KCNQ1: variants seen among roughly 807,000 people sequenced by gnomAD.
KCNQ1 encodes the protein potassium voltage-gated channel subfamily Q member 1, also known as potassium voltage-gated channel subfamily KQT member 1.
A neutral mutation model predicts 72.4 loss-of-function variants in KCNQ1; 49 were observed. The observed-to-expected ratio is 0.68, with a 90% CI of 0.54 to 0.86. The LOEUF is 0.86. KCNQ1 is among the 40% of genes least tolerant of loss of function. KCNQ1 has a pLI of 0.00. For missense variants in KCNQ1, 790 were observed against 945.1 expected (o/e 0.84, Z 2.15); for synonymous variants, 450 against 412.6 (o/e 1.09, Z -1.10).
chr11:2,473,063 T>C lies in KCNQ1; in HGVS notation c.386+27579T>C, dbSNP rs1476272716. 6.6e-6 allele frequency among the ~76,000 whole-genome samples: 1 copy of C among 151,810 alleles called. No homozygotes were observed. Among genetic ancestry groups the C allele is most frequent in the East Asian group, 1.9e-4 (1 of 5,144 alleles). On this transcript the variant is annotated intron_variant, in intron 1 of 15. Coordinates refer to ENST00000155840, the MANE Select transcript of KCNQ1 (RefSeq NM_000218.3). The surrounding 1 kb of genome is among the most constrained non-coding windows in gnomAD (Gnocchi z 6.0). ...TGTCCCTCCAGATCATGTCCCTGAG[T>C]GGGGAGCGCCTTCTGGGCAGAGTGG...
Position 2,445,386 on chromosome 11 carries a change from G to A in KCNQ1, c.288G>A (p.Thr96=). ...ACCCGCGCGTCTCCATCTACAGCAC[G>A]CGCCGCCCGGTGTTGGCGCGCACCC... ...SLDPRVSIYS[T]RRPVLARTHV... The change falls in exon 1 of 16, where the codon ACG becomes ACA. Residue 96 remains threonine (T), a synonymous_variant. Coordinates refer to ENST00000155840, the MANE Select transcript of KCNQ1 (RefSeq NM_000218.3). 1 of 1,597,736 alleles carries A rather than the reference G, an allele frequency of 6.3e-7. No homozygotes were observed. The highest frequency in any genetic ancestry group is 8.5e-7 in the Non-Finnish European group (1 of 1,179,576).
At chr11:2,513,195 TG>T (rs938326877) in intron 1 of KCNQ1, among the ~76,000 whole-genome samples, 16 of 152,154 alleles carry the variant, frequency 1.1e-4, no homozygotes, top group African/African-American at 3.9e-4. Flanking sequence ...CCAGGACCTT[TG>T]TACTCTCCTG....
rs774669061 is a variant in KCNQ1 at position 2,538,970 on chromosome 11, G to A, written c.477+10952G>A. ...TGGAACCTGGGAACCACCAGTCAGCGTCTTTCCTCCAGGGAGGCTGTGCAG... is the reference window on the plus strand; with the variant it reads ...TGGAACCTGGGAACCACCAGTCAGCATCTTTCCTCCAGGGAGGCTGTGCAG... On this transcript the variant is annotated intron_variant, in intron 2 of 15. Transcript: ENST00000155840. This position sits in a 1 kb window ranked among gnomAD's most constrained non-coding sequence, Gnocchi z 6.7. Among the ~76,000 whole-genome samples, 13 of 152,204 alleles carry A rather than the reference G, an allele frequency of 8.5e-5. No individual in the cohort carries two copies. The highest frequency in any genetic ancestry group is 2.4e-4 in the African/African-American group (10 of 41,444).
In KCNQ1 at chr11:2,473,878, A is replaced by G. The variant is rs570538185; in HGVS notation, c.386+28394A>G. On this transcript the variant is annotated intron_variant, in intron 1 of 15. Transcript: ENST00000155840. The surrounding 1 kb of genome is among the most constrained non-coding windows in gnomAD (Gnocchi z 6.0). ...TGCGCTCACCACTCGCCCTCCACAG[A>G]TGGGAGCCTGGGAGAGCCCTGCCTC... Among the ~76,000 whole-genome samples the G allele has an allele frequency of 7.3e-4, 111 of 152,324 alleles. No homozygotes were observed. Among genetic ancestry groups the G allele is most frequent in the African/African-American group, 2.5e-3 (103 of 41,590 alleles).
intron 15 of KCNQ1, among the ~76,000 whole-genome samples, chr11:2,791,135 A>G (rs1847013461): frequency 6.6e-6 from 1 of 152,254 alleles, no homozygotes; most frequent in African/African-American, 2.4e-5. Flanking sequence ...AGTGTGTGTC[A>G]ACTTCTGTGA....
At chr11:2,722,493 T>G (rs911275296) in intron 11 of KCNQ1, among the ~76,000 whole-genome samples, 2 of 151,994 alleles carry the variant, frequency 1.3e-5, no homozygotes, top group African/African-American at 4.8e-5. Context: ...GGAGGCTTGG[T>G]CACCCCCAGG....
Position 2,794,113 on chromosome 11 carries a change from C to T in KCNQ1, c.1794+16076C>T, listed in dbSNP as rs183897004. ...CGGGCCAAGGATCCAGGGGTGGCTCCGGCTTCGTGGGAGGAGGGTTACAGG... is the reference window on the plus strand; with the variant it reads ...CGGGCCAAGGATCCAGGGGTGGCTCTGGCTTCGTGGGAGGAGGGTTACAGG... On this transcript the variant is annotated intron_variant, in intron 15 of 15. Coordinates refer to ENST00000155840, the MANE Select transcript of KCNQ1 (RefSeq NM_000218.3). 7.7e-3 allele frequency among the ~76,000 whole-genome samples: 1,168 copies of T among 152,190 alleles called. 9 individuals are homozygous for T. Among genetic ancestry groups the T allele is most frequent in the Non-Finnish European group, 0.013 (871 of 67,992 alleles).
At chr11:2,812,280 CCTT>C (rs1439255000) in intron 15 of KCNQ1, among the ~76,000 whole-genome samples, 3 of 152,306 alleles carry the variant, frequency 2.0e-5, no homozygotes, top group Non-Finnish European at 2.9e-5. Flanking sequence ...TCCCCTCCCT[CCTT>C]CTCTCTCCTT....
At chr11:2,834,628 G>A (rs574559623) in intron 15 of KCNQ1, among the ~76,000 whole-genome samples, 14 of 152,324 alleles carry the variant, frequency 9.2e-5, no homozygotes, top group African/African-American at 3.4e-4. Context: ...GGCGCTTGAT[G>A]TCGGATGGAG....
rs183268060 is a variant in KCNQ1 at position 2,603,628 on chromosome 11, G to C, written c.1393+14774G>C. ...TTTTATATAAGTGGAATCATACAAT[G>C]TATGGTCCTTTGTGACTGGTTACTT... On this transcript the variant is annotated intron_variant, in intron 10 of 15. Transcript: ENST00000155840. This position sits in a 1 kb window ranked among gnomAD's most constrained non-coding sequence, Gnocchi z 4.1. Among the ~76,000 whole-genome samples, 26 of 152,246 alleles carry C rather than the reference G, an allele frequency of 1.7e-4. No individual in the cohort carries two copies. Among genetic ancestry groups the C allele is most frequent in the Admixed American group, 3.9e-4 (6 of 15,298 alleles).
intron 11 of KCNQ1, among the ~76,000 whole-genome samples, chr11:2,718,447 C>T (rs567422006): frequency 1.0e-3 from 153 of 152,332 alleles, no homozygotes; most frequent in African/African-American, 3.6e-3. Context: ...TCATGGGGCA[C>T]AGCTCTGAGG....
At position 2,691,309 on chromosome 11, in the gene KCNQ1, T is replaced by C. The variant is rs1254185509; in HGVS notation, c.1514+29228T>C. On this transcript the variant is annotated intron_variant, in intron 11 of 15. Transcript: ENST00000155840. This position sits in a 1 kb window ranked among gnomAD's most constrained non-coding sequence, Gnocchi z 6.4. The stretch of plus-strand genomic sequence containing the variant: ...GAGCTGACAAGAAAAAGGCGATGTC[T>C]CACCCCTGAGCTACAATCCACTGCA... 1.3e-5 allele frequency: 5 copies of C among 398,486 alleles called. No homozygotes were observed. Among genetic ancestry groups the C allele is most frequent in the Non-Finnish European group, 1.8e-5 (4 of 226,094 alleles). 24.7% of individuals were successfully genotyped at this position (398,486 alleles called of 1,614,324 possible).
In KCNQ1 at chr11:2,481,604, T is replaced by C. The variant is rs1007707149; in HGVS notation, c.386+36120T>C. 5.3e-5 allele frequency among the ~76,000 whole-genome samples: 8 copies of C among 152,294 alleles called. No individual in the cohort carries two copies. The highest frequency in any genetic ancestry group is 1.9e-4 in the African/African-American group (8 of 41,570). On this transcript the variant is annotated intron_variant, in intron 1 of 15. Coordinates refer to ENST00000155840, the MANE Select transcript of KCNQ1 (RefSeq NM_000218.3). This position sits in a 1 kb window ranked among gnomAD's most constrained non-coding sequence, Gnocchi z 4.6. ...TGAGCAAGTGAAGCTTCATCTGTATTTACAGTCACTCCCCATCACTCGCAT... is the reference window on the plus strand; with the variant it reads ...TGAGCAAGTGAAGCTTCATCTGTATCTACAGTCACTCCCCATCACTCGCAT...
rs1437610302 is a variant in KCNQ1, at chr11:2,712,823, G to C, written c.1514+50742G>C. Among the ~76,000 whole-genome samples the C allele has an allele frequency of 6.6e-6, 1 of 152,188 alleles. No homozygotes were observed. ...AGCCTCTGGGTTGGGAGCACACATG[G>C]CATCTCCTAGAGAGTTTGGGGGCTG... On this transcript the variant is annotated intron_variant, in intron 11 of 15. Transcript: ENST00000155840. This position sits in a 1 kb window ranked among gnomAD's most constrained non-coding sequence, Gnocchi z 6.4.
rs1846403383 is a variant in KCNQ1 at position 2,469,277 on chromosome 11, CTTT to C, written c.386+23794_386+23796del. 3.0e-5 allele frequency among the ~76,000 whole-genome samples: 4 copies of C among 134,768 alleles called. No individual in the cohort carries two copies. The South Asian group carries it at 9.8e-4, about 33-fold the overall frequency. 88.4% of individuals were successfully genotyped at this position (134,768 alleles called of 152,430 possible). On this transcript the variant is annotated intron_variant, in intron 1 of 15. Transcript: ENST00000155840. The stretch of plus-strand genomic sequence containing the variant: ...TGAATTCAAGAGTTTTTTTTTTTTT[CTTT>C]ATTTTGAGAGAGAATCTCACTCTCC...
chr11:2,749,641 C>CAAAAAAAA (rs35701102), intron 11 of KCNQ1, among the ~76,000 whole-genome samples: 5 of 87,098 alleles, frequency 5.7e-5, no homozygotes, highest in Non-Finnish European at 5.0e-5. Context: ...ACTAAAAATA[C>CAAAAAAAA]AAAAAAAAAA....
At position 2,659,698 on chromosome 11, in the gene KCNQ1, TTTTGC is replaced by T. The variant is rs1849915713; in HGVS notation, c.1394-2262_1394-2258del. 1.0e-5 allele frequency: 4 copies of T among 398,526 alleles called. No individual in the cohort carries two copies. In the Admixed American group the frequency reaches 1.3e-4, roughly 13 times the overall value. The allele number at this position is 398,526 out of a possible 1,614,324, so 24.7% of individuals were successfully genotyped here. On this transcript the variant is annotated intron_variant, in intron 10 of 15. Transcript: ENST00000155840. The surrounding 1 kb of genome is among the most constrained non-coding windows in gnomAD (Gnocchi z 4.3). Reference sequence around the variant, plus strand: ...ACTATTTCCTAAAGTCACTGTGCCATTTTGCATTCCCACCAGTAACATATGAGAGT... The same window carrying T: ...ACTATTTCCTAAAGTCACTGTGCCATATTCCCACCAGTAACATATGAGAGT...
Position 2,682,635 on chromosome 11 carries a change from A to C in KCNQ1, c.1514+20554A>C, listed in dbSNP as rs1163985159. 7.5e-6 allele frequency: 3 copies of C among 398,450 alleles called. No homozygotes were observed. Among genetic ancestry groups the C allele is most frequent in the African/African-American group, 2.1e-5 (1 of 48,596 alleles). 24.7% of individuals were successfully genotyped at this position (398,450 alleles called of 1,614,324 possible). ...TGAGAGCTCTTCTTCAGGCTCAGTC[A>C]TCCCTGCTTCCCCAGGGCTCATGTC... On this transcript the variant is annotated intron_variant, in intron 11 of 15. Transcript: ENST00000155840. The surrounding 1 kb of genome is among the most constrained non-coding windows in gnomAD (Gnocchi z 5.8).
chr11:2,683,040 C>T lies in KCNQ1; in HGVS notation c.1514+20959C>T, dbSNP rs1032363164. 2.5e-6 allele frequency: 1 copy of T among 398,584 alleles called. No individual in the cohort carries two copies. Among genetic ancestry groups the T allele is most frequent in the African/African-American group, 2.1e-5 (1 of 48,634 alleles). The allele number at this position is 398,584 out of a possible 1,614,324, so 24.7% of individuals were successfully genotyped here. A position where few individuals can be genotyped will look rare whatever the true frequency, so the allele number is the denominator to read the frequency against. ...GCCTCCTGAGAGAGGTGACCTTCTC[C>T]CACTTCTTACAGGCAAGGCTCTTGC... On this transcript the variant is annotated intron_variant, in intron 11 of 15. Coordinates refer to ENST00000155840, the MANE Select transcript of KCNQ1 (RefSeq NM_000218.3). This position sits in a 1 kb window ranked among gnomAD's most constrained non-coding sequence, Gnocchi z 4.7.
Sources: allele counts gnomAD v4.1 joint callset (sites outside exome capture counted in the v4.1 genomes callset), GRCh38; gene constraint gnomAD v4.1.1; non-coding constraint Gnocchi (gnomAD v3.1); transcripts MANE v1.5; gene names NCBI Gene and HGNC (gene_info 2026-07-23, HGNC 2026-07-21).